The following CCDC85C variants were observed in gnomAD, a reference collection of about 807,000 sequenced individuals.
CCDC85C encodes coiled-coil domain containing 85C.
CCDC85C carries 18 observed loss-of-function variants against 38.3 expected under a neutral mutation model. The observed-to-expected ratio is 0.47, with a 90% CI of 0.33 to 0.70. The LOEUF is 0.70. CCDC85C is among the 30% of genes least tolerant of loss of function. The pLI, the probability that CCDC85C is intolerant of heterozygous loss-of-function variation, is 0.03. For synonymous variants in CCDC85C, 264 were observed against 293.8 expected (o/e 0.90, Z 1.04); for missense variants, 566 against 621.2 (o/e 0.91, Z 0.94).
intron 1 of CCDC85C, among the ~76,000 whole-genome samples, chr14:99,562,102 G>T (rs1043733288): frequency 6.6e-6 from 1 of 152,176 alleles, no homozygotes; most frequent in African/African-American, 2.4e-5. Flanking sequence ...AGGACATGAT[G>T]ATGTCATCAT....
chr14:99,590,809 C>T (rs1217627454), intron 1 of CCDC85C, among the ~76,000 whole-genome samples: 1 of 152,200 alleles, frequency 6.6e-6, no homozygotes, highest in African/African-American at 2.4e-5. Context: ...TGATGCCACC[C>T]TGATGCCCCC....
intron 1 of CCDC85C, among the ~76,000 whole-genome samples, chr14:99,586,427 A>G (rs1291745924): frequency 2.6e-5 from 4 of 151,748 alleles, no homozygotes; most frequent in African/African-American, 9.7e-5. Flanking sequence ...CAAAACCTCC[A>G]CCTCCCCAGG....
chr14:99,600,109 C>T (rs567744557), intron 1 of CCDC85C, among the ~76,000 whole-genome samples: 1 of 152,348 alleles, frequency 6.6e-6, no homozygotes, highest in East Asian at 1.9e-4. Flanking sequence ...TCAGCAAGTG[C>T]TGCCACACAA....
chr14:99,576,713 T>C lies in CCDC85C; in HGVS notation c.793+26454A>G, dbSNP rs969702064. 2 of 152,220 alleles carry C rather than the reference T, an allele frequency of 1.3e-5. No individual in the cohort carries two copies. The highest frequency in any genetic ancestry group is 1.5e-5 in the Non-Finnish European group (1 of 68,050). 9.4% of individuals were successfully genotyped at this position (152,220 alleles called of 1,614,324 possible). A position where few individuals can be genotyped will look rare whatever the true frequency, so the allele number is the denominator to read the frequency against. On this transcript the variant is annotated intron_variant, in intron 1 of 5. Coordinates refer to ENST00000380243, the MANE Select transcript of CCDC85C (RefSeq NM_001144995.2). This position sits in a 1 kb window ranked among gnomAD's most constrained non-coding sequence, Gnocchi z 4.8. ...GGGCTCCTGACTAGGGCTGCCTGGATAGCAGCAAACAATCGCATGGCCTTT... is the reference window on the plus strand; with the variant it reads ...GGGCTCCTGACTAGGGCTGCCTGGACAGCAGCAAACAATCGCATGGCCTTT...
At chr14:99,526,425 G>T (rs1897384841) in intron 2 of CCDC85C, among the ~76,000 whole-genome samples, 1 of 152,242 alleles carries the variant, frequency 6.6e-6, no homozygotes, top group Admixed American at 6.5e-5. Context: ...GAGCCAGGTT[G>T]GAGGACAGGG....
Position 99,509,860 on chromosome 14 carries a change from G to A in CCDC85C, c.*5386C>T. 2.1e-6 allele frequency: 1 copy of A among 478,090 alleles called. No individual in the cohort carries two copies. The highest frequency in any genetic ancestry group is 3.6e-5 in the East Asian group (1 of 27,494). The allele number at this position is 478,090 out of a possible 1,614,324, so 29.6% of individuals were successfully genotyped here. On this transcript the variant is annotated 3_prime_UTR_variant, in exon 6 of 6. Transcript: ENST00000380243. ...GTTTTGCACTAGGAAGAGGGGGCTG[G>A]GGCCAGGGCACAAGGGGGCTTCGGG...
At chr14:99,549,151 C>T (rs1011198174) in intron 1 of CCDC85C, among the ~76,000 whole-genome samples, 2 of 152,156 alleles carry the variant, frequency 1.3e-5, no homozygotes, top group South Asian at 2.1e-4. Flanking sequence ...GTGATAAAGG[C>T]GGGCTGTGGA....
At chr14:99,585,800 A>G (rs546017545) in intron 1 of CCDC85C, among the ~76,000 whole-genome samples, 1 of 152,258 alleles carries the variant, frequency 6.6e-6, no homozygotes, top group Non-Finnish European at 1.5e-5. Flanking sequence ...AGGTAACTAA[A>G]GACCTCCTCA....
At chr14:99,590,797 A>ACTGATGCCACC (rs1441637577) in intron 1 of CCDC85C, among the ~76,000 whole-genome samples, 1 of 152,080 alleles carries the variant, frequency 6.6e-6, no homozygotes, top group Non-Finnish European at 1.5e-5. Context: ...CTGTAATCAC[A>ACTGATGCCACC]CTGATGCCAC....
At chr14:99,531,384 G>C (rs763154710) in intron 2 of CCDC85C, among the ~76,000 whole-genome samples, 18 of 152,090 alleles carry the variant, frequency 1.2e-4, no homozygotes, top group African/African-American at 2.4e-5. Context: ...CAGCCCGGCT[G>C]GGCACAGAGA....
chr14:99,555,372 A>G (rs1459903844), intron 1 of CCDC85C, among the ~76,000 whole-genome samples: 1 of 152,208 alleles, frequency 6.6e-6, no homozygotes, highest in African/African-American at 2.4e-5. Context: ...GTCCAAGGCT[A>G]CAGGTCAAGT....
In CCDC85C at chr14:99,558,606, C is replaced by A. The variant is rs562742528; in HGVS notation, c.794-22518G>T. Among the ~76,000 whole-genome samples the A allele has an allele frequency of 6.6e-6, 1 of 152,030 alleles. No homozygotes were observed. The highest frequency in any genetic ancestry group is 2.4e-5 in the African/African-American group (1 of 41,368). ...ACTGCACTCCAGCCTGGAGATAGAG[C>A]GAGACTCTGTCTCAAAAAAATTAAA... is the stretch of plus-strand genomic sequence containing the variant. On this transcript the variant is annotated intron_variant, in intron 1 of 5. Transcript: ENST00000380243. This position sits in a 1 kb window ranked among gnomAD's most constrained non-coding sequence, Gnocchi z 4.2.
At position 99,502,965 on chromosome 14, in the gene CCDC85C, G is replaced by A. The variant is rs771726550; in HGVS notation, c.*12281C>T. On this transcript the variant is annotated 3_prime_UTR_variant, in exon 6 of 6. Transcript: ENST00000380243. ...CCCTCTCCGCAGCCCAGTTCTCCCC[G>A]ACAGGTTAAGCGAGCCGTGGTGAGT... is the stretch of plus-strand genomic sequence containing the variant. The A allele has an allele frequency of 9.3e-6, 15 of 1,613,836 alleles. No homozygotes were observed. Among genetic ancestry groups the A allele is most frequent in the Middle Eastern group, 1.6e-4 (1 of 6,084 alleles).
In CCDC85C at chr14:99,510,863, G is replaced by A; in HGVS notation, c.*4383C>T. On this transcript the variant is annotated 3_prime_UTR_variant, in exon 6 of 6. Transcript: ENST00000380243. ...GAGTAGTTGAAGTGGGTAAGCAGCA[G>A]GGTACCTTGTATAATGCACGACAGT... is the stretch of plus-strand genomic sequence containing the variant. The A allele has an allele frequency of 8.1e-7, 1 of 1,235,880 alleles. No homozygotes were observed. Among genetic ancestry groups the A allele is most frequent in the Non-Finnish European group, 1.1e-6 (1 of 946,680 alleles). 76.6% of individuals were successfully genotyped at this position (1,235,880 alleles called of 1,614,324 possible).
rs2055220689 is a variant in CCDC85C at position 99,603,034 on chromosome 14, T to C, written c.793+133A>G. On this transcript the variant is annotated intron_variant, in intron 1 of 5. Transcript: ENST00000380243. The surrounding 1 kb of genome is among the most constrained non-coding windows in gnomAD (Gnocchi z 7.5). ...GAGTGCGGGATCCCCTGGCCCAGGA[T>C]CCATGACAGCTGGAGGAGTCTGGAG... 2.6e-6 allele frequency: 3 copies of C among 1,164,038 alleles called. No individual in the cohort carries two copies. Among genetic ancestry groups the C allele is most frequent in the Non-Finnish European group, 2.2e-6 (2 of 921,640 alleles). The allele number at this position is 1,164,038 out of a possible 1,614,324, so 72.1% of individuals were successfully genotyped here.
At position 99,603,257 on chromosome 14, in the gene CCDC85C, C is replaced by T; in HGVS notation, c.703G>A (p.Ala235Thr). The T allele has an allele frequency of 7.2e-7, 1 of 1,390,918 alleles. No individual in the cohort carries two copies. The highest frequency in any genetic ancestry group is 9.3e-7 in the Non-Finnish European group (1 of 1,079,170). The allele number at this position is 1,390,918 out of a possible 1,614,324, so 86.2% of individuals were successfully genotyped here. The part of the protein sequence containing the change: ...PPLLPPGPHK[A>T]PDGKAGATRR... ...GTGGCTCCTGCCTTGCCGTCGGGGGCCTTGTGCGGCCCGGGGGGCAGCAGC... is the reference window on the plus strand; with the variant it reads ...GTGGCTCCTGCCTTGCCGTCGGGGGTCTTGTGCGGCCCGGGGGGCAGCAGC... The change falls in exon 1 of 6, where the codon GCC becomes ACC. Residue 235 changes from alanine to threonine, a missense_variant. Transcript: ENST00000380243. The surrounding 1 kb of genome is among the most constrained non-coding windows in gnomAD (Gnocchi z 7.5).
rs1002435299 is a variant in CCDC85C, at chr14:99,576,956, G to A, written c.793+26211C>T. 1.3e-5 allele frequency among the ~76,000 whole-genome samples: 2 copies of A among 151,940 alleles called. No individual in the cohort carries two copies. Among genetic ancestry groups the A allele is most frequent in the Non-Finnish European group, 2.9e-5 (2 of 67,950 alleles). ...GCTCTCCCTCGCCCCCAGGCTGCCT[G>A]GGGGCACGGTGGACACCAGCGAATG... On this transcript the variant is annotated intron_variant, in intron 1 of 5. Coordinates refer to ENST00000380243, the MANE Select transcript of CCDC85C (RefSeq NM_001144995.2). This position sits in a 1 kb window ranked among gnomAD's most constrained non-coding sequence, Gnocchi z 4.8.
chr14:99,522,216 T>C lies in CCDC85C; in HGVS notation c.892A>G (p.Thr298Ala). ...AQQAGSGEFR[T>A]LRKGFSPYHS... ...TAGGGCGAGAAGCCTTTCCGCAGCG[T>C]GCGGAACTCTCCGGAGCCTGCCTGC... Residue 298 changes from threonine (T) to alanine (A), a missense_variant, in exon 3 of 6, where the codon ACG (threonine) becomes GCG (alanine). Transcript: ENST00000380243. The C allele has an allele frequency of 1.3e-6, 2 of 1,549,962 alleles. No individual in the cohort carries two copies. Among genetic ancestry groups the C allele is most frequent in the Non-Finnish European group, 8.7e-7 (1 of 1,146,826 alleles).
chr14:99,570,125 G>A (rs1196819562), intron 1 of CCDC85C, among the ~76,000 whole-genome samples: 2 of 151,928 alleles, frequency 1.3e-5, no homozygotes, highest in Middle Eastern at 3.4e-3. Context: ...GGGCATCCAC[G>A]CGCAGCTTTC....
Sources: gnomAD v4.1 joint callset for allele counts (sites outside exome capture counted in the v4.1 genomes callset) on GRCh38, gnomAD v4.1.1 for gene constraint, Gnocchi (gnomAD v3.1) non-coding constraint, MANE v1.5 for transcripts, NCBI Gene and HGNC (gene_info 2026-07-23, HGNC 2026-07-21) for gene names.